The following SLX4 variants were observed in gnomAD, a reference collection of about 807,000 sequenced individuals.
SLX4 encodes structure-specific endonuclease subunit SLX4.
A neutral mutation model predicts 146.2 loss-of-function variants in SLX4; 112 were observed. The observed-to-expected ratio is 0.77, with a 90% CI of 0.66 to 0.90. SLX4 has a LOEUF of 0.90. SLX4 is among the 40% of genes least tolerant of loss of function. The pLI is 0.00. For missense variants in SLX4, 2,563 were observed against 2,392.7 expected, an observed-to-expected ratio of 1.07 and a Z score of -1.49; for synonymous variants, 1,061 against 997.7, an observed-to-expected ratio of 1.06 and a Z score of -1.20.
chr16:3,589,962 G>A lies in SLX4; in HGVS notation c.3676C>T (p.Arg1226Trp), dbSNP rs142008398. 344 of 1,613,868 alleles carry A rather than the reference G, an allele frequency of 2.1e-4. No homozygotes were observed. The African/African-American group carries it at 3.9e-3, about 18-fold the overall frequency. The change falls in exon 12 of 15, where the codon CGG becomes TGG. Residue 1226 changes from arginine to tryptophan, a missense_variant. Arg to Trp is a moderately radical substitution (Grantham distance 101). Coordinates refer to ENST00000294008, the MANE Select transcript of SLX4 (RefSeq NM_032444.4). This position sits in a 1 kb window ranked among gnomAD's most constrained non-coding sequence, Gnocchi z 6.2. ...GCCCCTCTCCTGCCCAAAGAGCCCC[G>A]ATTCTCCGGCAGCGCCCCCTCATCC... ...QEDEGALPEN[R>W]GSLGRRGAPW...
In SLX4 at chr16:3,595,686, G is replaced by C. The variant is rs562351012; in HGVS notation, c.1932C>G (p.Asp644Glu). The C allele has an allele frequency of 1.2e-6, 2 of 1,614,066 alleles. No individual in the cohort carries two copies. Among genetic ancestry groups the C allele is most frequent in the South Asian group, 1.1e-5 (1 of 91,070 alleles). ...LAGSEGTAGL[D>E]VVPGGLPLTG... is the part of the protein sequence containing the mutation. Reference sequence around the variant, plus strand: ...TCAGAGGAAGGCCGCCGGGCACCACGTCCAACCCTGAGTGGAGGATTCACA... The same window carrying C: ...TCAGAGGAAGGCCGCCGGGCACCACCTCCAACCCTGAGTGGAGGATTCACA... The change falls in exon 9 of 15, where the codon GAC becomes GAG. Residue 644 changes from aspartate to glutamate, a missense_variant. Transcript: ENST00000294008.
intron 14 of SLX4, 84 bp downstream of exon 14, chr16:3,583,013 A>T: frequency 6.5e-7 from 1 of 1,529,024 alleles, no homozygotes; most frequent in Non-Finnish European, 9.1e-7. Flanking sequence ...AAGATTGGCC[A>T]TTAGGTCTCA....
chr16:3,584,830 T>C lies in SLX4; in HGVS notation c.4678A>G (p.Ile1560Val), dbSNP rs756795604. 4.3e-6 allele frequency: 7 copies of C among 1,614,072 alleles called. No homozygotes were observed. The Admixed American group carries it at 1.2e-4, about 27-fold the overall frequency. Reference protein sequence around the residue: ...RKKNLPPKVPITPMPQYSIME... With the variant: ...RKKNLPPKVPVTPMPQYSIME... The stretch of plus-strand genomic sequence containing the variant: ...ATGGAATACTGTGGCATCGGCGTTA[T>C]GGGCACTTTGGGGGGCAAGTTCTTC... Residue 1560 changes from isoleucine (I) to valine (V), a missense_variant, in exon 13 of 15, where the codon ATA (isoleucine) becomes GTA (valine). By Grantham distance (29) the Ile-to-Val change is conservative. Transcript: ENST00000294008.
At position 3,608,466 on chromosome 16, in the gene SLX4, C is replaced by G. The variant is rs151018140; in HGVS notation, c.499G>C (p.Glu167Gln). 11 of 1,614,088 alleles carry G rather than the reference C, an allele frequency of 6.8e-6. No individual in the cohort carries two copies. The highest frequency in any genetic ancestry group is 9.3e-6 in the Non-Finnish European group (11 of 1,180,054). ...TCTCTGGAAAGGTTTGGCGATGGTTCTTGCTGGTTACCCGTCTGGGTGTTT... is the reference window on the plus strand; with the variant it reads ...TCTCTGGAAAGGTTTGGCGATGGTTGTTGCTGGTTACCCGTCTGGGTGTTT... ...AQNTQTGNQQ[E>Q]PSPNLSREKT... The change falls in exon 2 of 15, where the codon GAA becomes CAA. Residue 167 changes from glutamate (E) to glutamine (Q), a missense_variant. By Grantham distance (29) the Glu-to-Gln change is conservative (BLOSUM62 2). Coordinates refer to ENST00000294008, the MANE Select transcript of SLX4 (RefSeq NM_032444.4).
intron 3 of SLX4, among the ~76,000 whole-genome samples, chr16:3,605,421 C>A (rs1400181805): frequency 1.3e-5 from 2 of 152,066 alleles, no homozygotes; most frequent in East Asian, 3.9e-4. Flanking sequence ...GGGGGTCTCA[C>A]TATGTTGTCC....
Position 3,582,427 on chromosome 16 carries a change from G to C in SLX4, c.5420C>G (p.Thr1807Ser), listed in dbSNP as rs1439688193. The C allele has an allele frequency of 5.0e-6, 8 of 1,613,800 alleles. No individual in the cohort carries two copies. The East Asian group carries it at 1.6e-4, about 31-fold the overall frequency. Residue 1807 changes from threonine (T) to serine (S), a missense_variant, in exon 15 of 15, where the codon ACC (threonine) becomes AGC (serine). Physicochemically the swap from Thr to Ser is moderately conservative, Grantham distance 58. Transcript: ENST00000294008. ...LLDFLDTHCI[T>S]FTTAATRREK... ...CCTGCGGGTGGCGGCAGTGGTGAAG[G>C]TGATACAGTGGGTGTCCAGGAAGTC...
intron 5 of SLX4, among the ~76,000 whole-genome samples, chr16:3,599,534 C>A (rs766363861): frequency 1.2e-4 from 19 of 152,220 alleles, no homozygotes; most frequent in Non-Finnish European, 1.9e-4. Flanking sequence ...TTAATTCATG[C>A]AAGATTTTTA....
At position 3,589,682 on chromosome 16, in the gene SLX4, T is replaced by C; in HGVS notation, c.3956A>G (p.Gln1319Arg). The C allele has an allele frequency of 6.2e-7, 1 of 1,613,884 alleles. No homozygotes were observed. The highest frequency in any genetic ancestry group is 8.5e-7 in the Non-Finnish European group (1 of 1,179,946). ...GGGAGTGAGGCATGAGGACGGTGTC[T>C]GGGGCGGTGGTGTCTGGGGCCTGAT... is the stretch of plus-strand genomic sequence containing the variant. ...SVIRPQTPPPQTPSSCLTPVS... is the reference protein window; with the variant it reads ...SVIRPQTPPPRTPSSCLTPVS... Residue 1319 changes from glutamine (Q) to arginine (R), a missense_variant, in exon 12 of 15, where the codon CAG (glutamine) becomes CGG (arginine). Physicochemically the swap from Gln to Arg is conservative, Grantham distance 43 (BLOSUM62 1). Coordinates refer to ENST00000294008, the MANE Select transcript of SLX4 (RefSeq NM_032444.4). This position sits in a 1 kb window ranked among gnomAD's most constrained non-coding sequence, Gnocchi z 6.2.
intron 3 of SLX4, among the ~76,000 whole-genome samples, chr16:3,606,071 C>G (rs1424024914): frequency 4.6e-5 from 7 of 151,724 alleles, no homozygotes; most frequent in African/African-American, 1.7e-4. Flanking sequence ...ACCAGCCTGG[C>G]CAACTTGGCG....
rs1567174010 is a variant in SLX4 at position 3,597,594 on chromosome 16, G to A, written c.1468C>T (p.Leu490Phe). The A allele has an allele frequency of 4.3e-6, 7 of 1,614,028 alleles. No individual in the cohort carries two copies. Among genetic ancestry groups the A allele is most frequent in the Non-Finnish European group, 5.1e-6 (6 of 1,180,026 alleles). ...GRQIEDRVAL[L>F]LSEEVELSST... ...GACAATTCCACTTCCTCAGAGAGGA[G>A]CAGGGCCACACGGTCCTCTATCTGT... The change falls in exon 7 of 15, where the codon CTC (leucine) becomes TTC (phenylalanine). Residue 490 changes from leucine (L) to phenylalanine (F), a missense_variant. Transcript: ENST00000294008. This position sits in a 1 kb window ranked among gnomAD's most constrained non-coding sequence, Gnocchi z 4.4.
chr16:3,591,737 A>G (rs1374012044), intron 11 of SLX4, among the ~76,000 whole-genome samples: 1 of 152,278 alleles, frequency 6.6e-6, no homozygotes, highest in Middle Eastern at 3.4e-3. Context: ...CAGCCTGGAC[A>G]ACATAGAAAG....
chr16:3,603,857 G>A (rs1313895893), intron 3 of SLX4, among the ~76,000 whole-genome samples: 3 of 152,210 alleles, frequency 2.0e-5, no homozygotes, highest in Non-Finnish European at 4.4e-5. Context: ...GTTAGAGGAA[G>A]GAGTTAACGA....
intron 3 of SLX4, among the ~76,000 whole-genome samples, chr16:3,603,745 C>T (rs539063831): frequency 1.3e-5 from 2 of 152,188 alleles, no homozygotes; most frequent in Non-Finnish European, 2.9e-5. Flanking sequence ...CTTATTGGGC[C>T]GGTGCCACAC....
chr16:3,611,184 G>C lies in SLX4; in HGVS notation c.-603+376C>G, dbSNP rs1425691949. On this transcript the variant is annotated intron_variant, in intron 1 of 14. Transcript: ENST00000294008. ...TGAATGAATGGATCGGTAAGGGGCG[G>C]ACCCTCCCGCTTCCCCCAACCCGGC... Among the ~76,000 whole-genome samples the C allele has an allele frequency of 2.0e-5, 3 of 152,338 alleles. No homozygotes were observed. The East Asian group carries it at 5.8e-4, about 29-fold the overall frequency.
At position 3,597,064 on chromosome 16, in the gene SLX4, G is replaced by A. The variant is rs147962146; in HGVS notation, c.1683+315C>T. ...TCTCGAACTCCTGACCTCGTGATCCGCCCACCTCAGCCTCCCAAAGTGCAG... is the reference window on the plus strand; with the variant it reads ...TCTCGAACTCCTGACCTCGTGATCCACCCACCTCAGCCTCCCAAAGTGCAG... On this transcript the variant is annotated intron_variant, in intron 7 of 14. Transcript: ENST00000294008. This position sits in a 1 kb window ranked among gnomAD's most constrained non-coding sequence, Gnocchi z 4.4. Among the ~76,000 whole-genome samples the A allele has an allele frequency of 3.5e-4, 53 of 152,076 alleles. No homozygotes were observed. The highest frequency in any genetic ancestry group is 1.7e-3 in the South Asian group (8 of 4,816).
In SLX4 at chr16:3,589,634, C is replaced by A; in HGVS notation, c.4004G>T (p.Gly1335Val). ...AGGGCTTCTGTGGCCTTGCCTTCTG[C>A]CGTCAGAAGTTCCTGGAGAGACGGG... ...LTPVSPGTSD[G>V]RRQGHRSPSR... Residue 1335 changes from glycine to valine, a missense_variant, in exon 12 of 15, where the codon GGC becomes GTC. Gly to Val is a moderately radical substitution (Grantham distance 109, BLOSUM62 -3). Coordinates refer to ENST00000294008, the MANE Select transcript of SLX4 (RefSeq NM_032444.4). The surrounding 1 kb of genome is among the most constrained non-coding windows in gnomAD (Gnocchi z 6.2). 6.2e-7 allele frequency: 1 copy of A among 1,613,972 alleles called. No homozygotes were observed. The highest frequency in any genetic ancestry group is 8.5e-7 in the Non-Finnish European group (1 of 1,180,032).
At position 3,606,810 on chromosome 16, in the gene SLX4, A is replaced by G. The variant is rs2040791013; in HGVS notation, c.536-112T>C. 4 of 1,131,986 alleles carry G rather than the reference A, an allele frequency of 3.5e-6. No individual in the cohort carries two copies. In the Admixed American group the frequency reaches 7.7e-5, roughly 22 times the overall value. 70.1% of individuals were successfully genotyped at this position (1,131,986 alleles called of 1,614,324 possible). A position where few individuals can be genotyped will look rare whatever the true frequency, so the allele number is the denominator to read the frequency against. ...TCAAGAGTCCTTTATCAACTAGTTT[A>G]GGTTTGACTCACAAATGTGAAGAGG... On this transcript the variant is annotated intron_variant, in intron 2 of 14. Transcript: ENST00000294008.
chr16:3,594,609 G>C lies in SLX4; in HGVS notation c.2014-10C>G. ...GCAGCCCGAGGGAGAGCTGAAGCAGGAGGAGAGGAAGAGCCGTCACCTCCC... is the reference window on the plus strand; with the variant it reads ...GCAGCCCGAGGGAGAGCTGAAGCAGCAGGAGAGGAAGAGCCGTCACCTCCC... On this transcript the variant is annotated splice_polypyrimidine_tract_variant and intron_variant, in intron 9 of 14. Coordinates refer to ENST00000294008, the MANE Select transcript of SLX4 (RefSeq NM_032444.4). 1 of 1,613,788 alleles carries C rather than the reference G, an allele frequency of 6.2e-7. No individual in the cohort carries two copies. The highest frequency in any genetic ancestry group is 8.5e-7 in the Non-Finnish European group (1 of 1,179,746).
At chr16:3,596,684 T>A (rs1284281653) in intron 7 of SLX4, among the ~76,000 whole-genome samples, 4 of 152,210 alleles carry the variant, frequency 2.6e-5, no homozygotes, top group Non-Finnish European at 5.9e-5. Context: ...CCTGCCGCCC[T>A]CCTGAAGTCC....
Sources: allele counts gnomAD v4.1 joint callset (sites outside exome capture counted in the v4.1 genomes callset), GRCh38; gene constraint gnomAD v4.1.1; non-coding constraint Gnocchi (gnomAD v3.1); transcripts MANE v1.5; gene names NCBI Gene and HGNC (gene_info 2026-07-23, HGNC 2026-07-21).